The following CCNJ variants were observed in gnomAD, a reference collection of about 807,000 sequenced individuals.
CCNJ encodes the protein cyclin-J.
In CCNJ, 12 loss-of-function variants were observed where a neutral mutation model predicts 41.4. The ratio of observed to expected loss-of-function variants is 0.29; its 90% CI spans 0.19 to 0.47. The LOEUF (loss-of-function observed/expected upper bound fraction) is 0.47, where lower values mean the gene tolerates loss of function less well. Ranked by LOEUF, CCNJ falls within the 20% of genes least tolerant of loss-of-function variation. The pLI is 1.00. For synonymous variants in CCNJ, 161 were observed against 173.4 expected (o/e 0.93, Z 0.56); for missense variants, 340 against 464.6 (o/e 0.73, Z 2.47).
At chr10:96,043,541 C>A (rs2142016336), upstream of CCNJ, 1 of 394,294 alleles carries the variant, frequency 2.5e-6, no homozygotes, top group South Asian at 1.3e-4. Flanking sequence ...CCTCAAGTGC[C>A]CCCGCGCTGG....
chr10:96,052,203 ATG>A (rs2080547394), intron 3 of CCNJ, among the ~76,000 whole-genome samples: 2 of 152,314 alleles, frequency 1.3e-5, no homozygotes, highest in South Asian at 4.1e-4. Flanking sequence ...GTAATACTGT[ATG>A]TGTTTAATCA....
rs192270004 is a variant in CCNJ, at chr10:96,047,850, A to G, written c.70-2406A>G. On this transcript the variant is annotated intron_variant, in intron 2 of 5. Coordinates refer to ENST00000465148, the MANE Select transcript of CCNJ (RefSeq NM_001134375.2). Reference sequence around the variant, plus strand: ...TTTGTTACATAGGTAAACGTTTGCCATGGTGGCTTACTGCACAGATCATCC... The same window carrying G: ...TTTGTTACATAGGTAAACGTTTGCCGTGGTGGCTTACTGCACAGATCATCC... Among the ~76,000 whole-genome samples the G allele has an allele frequency of 2.1e-4, 32 of 152,256 alleles. No homozygotes were observed. The East Asian group carries it at 6.0e-3, about 28-fold the overall frequency.
rs1261332782 is a variant in CCNJ, at chr10:96,043,662, C to T, written c.-99C>T. ...AGCGGCCCACTGTCCGCAGCATGAG[C>T]GGGGCCGGCGTCCGCCGCACGACGG... On this transcript the variant is annotated 5_prime_UTR_variant, in exon 1 of 6. Coordinates refer to ENST00000465148, the MANE Select transcript of CCNJ (RefSeq NM_001134375.2). 1.0e-5 allele frequency: 4 copies of T among 394,410 alleles called. No homozygotes were observed. Among genetic ancestry groups the T allele is most frequent in the Admixed American group, 4.4e-5 (1 of 22,556 alleles). 24.4% of individuals were successfully genotyped at this position (394,410 alleles called of 1,614,324 possible).
chr10:96,050,629 C>T (rs1163119238), intron 3 of CCNJ, among the ~76,000 whole-genome samples, 163 bp downstream of exon 3: 3 of 152,078 alleles, frequency 2.0e-5, no homozygotes, highest in Non-Finnish European at 2.9e-5. Context: ...AATTCTTAAC[C>T]AGACATTGAA....
intron 3 of CCNJ, 101 bp from the exon 4 acceptor site, chr10:96,056,599 TA>T: frequency 1.2e-6 from 1 of 844,042 alleles, no homozygotes; most frequent in Non-Finnish European, 1.9e-6. Context: ...TCTTTGGATC[TA>T]AATCCTGGCA....
At chr10:96,044,048 C>T (rs551043982) in intron 1 of CCNJ, among the ~76,000 whole-genome samples, 1 of 152,336 alleles carries the variant, frequency 6.6e-6, no homozygotes, top group East Asian at 1.9e-4. Flanking sequence ...CCAGCCGGGC[C>T]TCCCCCAGCT....
chr10:96,050,211 A>G (rs1564703331), intron 2 of CCNJ, 45 bp from the exon 3 acceptor site: 1 of 1,242,552 alleles, frequency 8.0e-7, no homozygotes, highest in Non-Finnish European at 1.2e-6. Flanking sequence ...TTGTGGGGAT[A>G]CGCCTACAGA....
At chr10:96,043,891 A>T (rs2080283259) in intron 1 of CCNJ, among the ~76,000 whole-genome samples, 172 bp downstream of exon 1, 1 of 152,098 alleles carries the variant, frequency 6.6e-6, no homozygotes, top group Non-Finnish European at 1.5e-5. Context: ...CAGGCTCCCG[A>T]CGTCCATGCG....
At position 96,058,007 on chromosome 10, in the gene CCNJ, A is replaced by G. The variant is rs753459231; in HGVS notation, c.918A>G (p.Ser306=). The G allele has an allele frequency of 1.2e-6, 2 of 1,614,172 alleles. No homozygotes were observed. The highest frequency in any genetic ancestry group is 2.2e-5 in the South Asian group (2 of 91,086). Residue 306 remains serine (S), a synonymous_variant, in exon 6 of 6, where the codon TCA becomes TCG. Coordinates refer to ENST00000465148, the MANE Select transcript of CCNJ (RefSeq NM_001134375.2). ...QTSLQYRHPT[S]EQPSCQQIVS... is the part of the protein sequence containing the mutation. ...CACTGCAGTATCGCCATCCTACGTCAGAACAACCAAGCTGTCAGCAGATTG... is the reference window on the plus strand; with the variant it reads ...CACTGCAGTATCGCCATCCTACGTCGGAACAACCAAGCTGTCAGCAGATTG...
At chr10:96,046,662 T>C (rs568210687) in intron 2 of CCNJ, among the ~76,000 whole-genome samples, 1 of 152,334 alleles carries the variant, frequency 6.6e-6, no homozygotes, top group Admixed American at 6.5e-5. Flanking sequence ...AGGTATTCTA[T>C]GTTTAGGCCC....
rs759044481 is a variant in CCNJ at position 96,057,939 on chromosome 10, C to T, written c.850C>T (p.His284Tyr). The T allele has an allele frequency of 1.2e-6, 2 of 1,614,104 alleles. No homozygotes were observed. Among genetic ancestry groups the T allele is most frequent in the African/African-American group, 2.7e-5 (2 of 74,936 alleles). ...QTASQPSRPV[H>Y]FQQPQYLHQT... ...AGCCTCCCAGCCATCACGGCCAGTT[C>T]ACTTTCAGCAACCTCAGTATCTCCA... Residue 284 changes from histidine to tyrosine, a missense_variant, in exon 6 of 6, where the codon CAC becomes TAC. His to Tyr is a moderately conservative substitution (Grantham distance 83, BLOSUM62 2). Coordinates refer to ENST00000465148, the MANE Select transcript of CCNJ (RefSeq NM_001134375.2).
At chr10:96,043,152 T>C (rs2080261253), upstream of CCNJ, among the ~76,000 whole-genome samples, 1 of 152,234 alleles carries the variant, frequency 6.6e-6, no homozygotes, top group Admixed American at 6.5e-5. Context: ...ACCGAATCCA[T>C]GCCGTGAAGA....
At chr10:96,056,578 AGGT>A in intron 3 of CCNJ, 120 bp from the exon 4 acceptor site, 1 of 691,956 alleles carries the variant, frequency 1.4e-6, no homozygotes, top group South Asian at 2.0e-5. Context: ...TATCTGTGTA[AGGT>A]AAGTACGTCT....
chr10:96,058,429 G>A lies in CCNJ; in HGVS notation c.*188G>A. The A allele has an allele frequency of 1.8e-6, 1 of 554,606 alleles. No individual in the cohort carries two copies. The highest frequency in any genetic ancestry group is 2.6e-5 in the South Asian group (1 of 37,942). 34.4% of individuals were successfully genotyped at this position (554,606 alleles called of 1,614,324 possible). A position where few individuals can be genotyped will look rare whatever the true frequency, so the allele number is the denominator to read the frequency against. On this transcript the variant is annotated 3_prime_UTR_variant, in exon 6 of 6. Transcript: ENST00000465148. ...TCCTGGGAGACTAAGCAAATTAACAGTATGTCAAATTCTGTTACAACAAAT... is the reference window on the plus strand; with the variant it reads ...TCCTGGGAGACTAAGCAAATTAACAATATGTCAAATTCTGTTACAACAAAT...
intron 5 of CCNJ, 146 bp downstream of exon 5, chr10:96,057,393 T>C (rs1483336174): frequency 1.8e-5 from 12 of 681,750 alleles, no homozygotes; most frequent in Non-Finnish European, 3.1e-5. Flanking sequence ...AGCAAGCCCA[T>C]GTATGAGCAG....
chr10:96,054,259 A>C (rs2080614846), intron 3 of CCNJ, among the ~76,000 whole-genome samples: 3 of 152,192 alleles, frequency 2.0e-5, no homozygotes, highest in African/African-American at 7.2e-5. Flanking sequence ...CAATTGAAGA[A>C]ACTGATCTTT....
chr10:96,053,755 G>C (rs2080598379), intron 3 of CCNJ, among the ~76,000 whole-genome samples: 1 of 152,122 alleles, frequency 6.6e-6, no homozygotes, highest in Non-Finnish European at 1.5e-5. Flanking sequence ...AACCAACACT[G>C]GGTTAGCAAA....
At chr10:96,043,764 TAGGCGTGGGGC>T (rs1344318973) in intron 1 of CCNJ, 45 bp downstream of exon 1, 5 of 385,910 alleles carry the variant, frequency 1.3e-5, no homozygotes, top group African/African-American at 1.0e-4. Flanking sequence ...AGGCCTGGGG[TAGGCGTGGGGC>T]AGCGGACCCT....
chr10:96,055,957 A>G (rs1218702654), intron 3 of CCNJ, among the ~76,000 whole-genome samples: 1 of 152,224 alleles, frequency 6.6e-6, no homozygotes, highest in African/African-American at 2.4e-5. Context: ...AGATGAAACA[A>G]TTGGAGCTTA....
Sources: allele counts gnomAD v4.1 joint callset (sites outside exome capture counted in the v4.1 genomes callset), GRCh38; gene constraint gnomAD v4.1.1; transcripts MANE v1.5; gene names NCBI Gene and HGNC (gene_info 2026-07-23, HGNC 2026-07-21).